The following RARB variants were observed in gnomAD, a reference collection of about 807,000 sequenced individuals.
RARB encodes HBV-activated protein.
Under a neutral mutation model 51.9 loss-of-function variants are expected in RARB, and 17 were observed. The observed-to-expected ratio is 0.33, with a 90% confidence interval of 0.22 to 0.49. The LOEUF is 0.49. Among genes scored for constraint, RARB ranks in the 20% least tolerant of loss-of-function variants. The probability of loss-of-function intolerance (pLI) is 0.99; values close to 1 mark genes in which losing one functional copy is unlikely to be tolerated. For missense variants in RARB, 369 were observed against 550.8 expected (o/e 0.67, Z 3.30); for synonymous variants, 215 against 195.4 (o/e 1.10, Z -0.84).
intron 4 of RARB, among the ~76,000 whole-genome samples, chr3:25,166,660 G>A (rs1225591256): frequency 6.6e-6 from 1 of 152,132 alleles, no homozygotes; most frequent in Non-Finnish European, 1.5e-5. Flanking sequence ...ATTGCAGCCA[G>A]AGGAAATGGA....
At chr3:25,456,493 G>A (rs866269727) in intron 1 of RARB, among the ~76,000 whole-genome samples, 1 of 147,128 alleles carries the variant, frequency 6.8e-6, no homozygotes, top group Middle Eastern at 3.7e-3. Context: ...TGTAATTCTA[G>A]AATTTGTCTT....
At chr3:25,048,544 AT>A (rs1223887121) in intron 2 of RARB, among the ~76,000 whole-genome samples, 1 of 152,124 alleles carries the variant, frequency 6.6e-6, no homozygotes, top group Non-Finnish European at 1.5e-5. Flanking sequence ...TTCTAAAAAT[AT>A]TTATAATTGT....
At chr3:24,993,615 A>T (rs1369683600) in intron 2 of RARB, among the ~76,000 whole-genome samples, 1 of 152,084 alleles carries the variant, frequency 6.6e-6, no homozygotes, top group African/African-American at 2.4e-5. Context: ...AATTTGTTCT[A>T]TTTAGCTGTA....
intron 5 of RARB, among the ~76,000 whole-genome samples, chr3:25,331,541 T>C (rs938879218): frequency 2.6e-5 from 4 of 152,078 alleles, no homozygotes; most frequent in Admixed American, 2.0e-4. Flanking sequence ...TAGAGAGAAA[T>C]TTATAGCACT....
intron 2 of RARB, among the ~76,000 whole-genome samples, chr3:24,920,785 T>C (rs1297876268): frequency 1.3e-5 from 2 of 152,238 alleles, no homozygotes; most frequent in Non-Finnish European, 1.5e-5. Flanking sequence ...GTTCAGCTTT[T>C]ATCAGTCATT....
intron 2 of RARB, among the ~76,000 whole-genome samples, chr3:24,978,743 CT>C (rs575943163): frequency 5.7e-4 from 87 of 151,364 alleles, no homozygotes; most frequent in Middle Eastern, 3.4e-3. Context: ...TTTTGTGTCT[CT>C]ATCTCCTTTA....
chr3:25,531,372 GTAGATAGATAGATAGGTAGA>G (rs1239760159), intron 3 of RARB, among the ~76,000 whole-genome samples: 1 of 131,530 alleles, frequency 7.6e-6, no homozygotes, highest in Non-Finnish European at 1.5e-5. Context: ...AGATAGATAG[GTAGATAGATAGATAGGTAGA>G]TAGATAGATA....
intron 5 of RARB, among the ~76,000 whole-genome samples, chr3:25,356,477 C>T (rs556158499): frequency 6.6e-6 from 1 of 151,806 alleles, no homozygotes; most frequent in Non-Finnish European, 1.5e-5. Flanking sequence ...TAATAATTTA[C>T]ATGAAAGAAA....
chr3:25,259,805 C>A, intron 5 of RARB: 1 of 620,760 alleles, frequency 1.6e-6, no homozygotes, highest in Non-Finnish European at 2.0e-6. Context: ...GACCCAAAGT[C>A]ATCTTCTTCC....
intron 2 of RARB, among the ~76,000 whole-genome samples, chr3:24,859,425 A>C (rs991864042): frequency 6.6e-6 from 1 of 152,212 alleles, no homozygotes; most frequent in Admixed American, 6.5e-5. Context: ...ATAGTTAAGC[A>C]TTAGAATGCC....
intron 2 of RARB, among the ~76,000 whole-genome samples, chr3:24,878,583 T>A (rs1410692082): frequency 1.3e-5 from 2 of 152,156 alleles, no homozygotes; most frequent in Non-Finnish European, 2.9e-5. Context: ...TTCTGTGTTA[T>A]CAGGGGCTAT....
At chr3:25,294,896 G>T (rs1703881642) in intron 5 of RARB, among the ~76,000 whole-genome samples, 1 of 152,104 alleles carries the variant, frequency 6.6e-6, no homozygotes, top group Non-Finnish European at 1.5e-5. Context: ...ACCCTGCTCT[G>T]GTCTTTATCA....
At chr3:25,407,299 A>G (rs891632826) in intron 5 of RARB, among the ~76,000 whole-genome samples, 23 of 152,234 alleles carry the variant, frequency 1.5e-4, no homozygotes, top group African/African-American at 5.5e-4. Flanking sequence ...AGTCTTTAGA[A>G]AAAGACCGCA....
At chr3:25,253,459 A>G (rs1267581311) in intron 5 of RARB, among the ~76,000 whole-genome samples, 1 of 152,178 alleles carries the variant, frequency 6.6e-6, no homozygotes, top group African/African-American at 2.4e-5. Context: ...AAAATATTCA[A>G]AGAAATAGTT....
At chr3:25,477,552 C>T (rs114792896) in intron 2 of RARB, among the ~76,000 whole-genome samples, 202 of 152,314 alleles carry the variant, frequency 1.3e-3, no homozygotes, top group African/African-American at 4.7e-3. Context: ...CCTATAATTA[C>T]TACAAGTACT....
At chr3:25,025,146 T>C (rs903616150) in intron 2 of RARB, 1 of 152,156 alleles carries the variant, frequency 6.6e-6, no homozygotes, top group Non-Finnish European at 1.5e-5. Flanking sequence ...AGCATTCTTA[T>C]GAATAAAGAC....
intron 2 of RARB, among the ~76,000 whole-genome samples, chr3:25,476,580 G>A (rs1213974525): frequency 2.6e-5 from 4 of 152,086 alleles, no homozygotes; most frequent in African/African-American, 7.2e-5. Flanking sequence ...TGATCATAAC[G>A]TATCTTTCAT....
rs184965725 is a variant in RARB, at chr3:25,241,480, C to T, written c.178+66905C>T. On this transcript the variant is annotated intron_variant, in intron 5 of 11. Transcript: ENST00000383772. ...GCCTCCCCTTCCCTGCCACAACCCC[C>T]GGACAGGCCCGGGTGTGATGTTCCC... is the stretch of plus-strand genomic sequence containing the variant. 2.1e-3 allele frequency among the ~76,000 whole-genome samples: 322 copies of T among 152,192 alleles called. 1 individual carries two copies. The highest frequency in any genetic ancestry group is 7.2e-3 in the African/African-American group (299 of 41,532).
At chr3:25,097,396 T>A (rs536153570) in intron 3 of RARB, among the ~76,000 whole-genome samples, 42 of 152,326 alleles carry the variant, frequency 2.8e-4, no homozygotes, top group African/African-American at 9.1e-4. Context: ...TACTTGAATG[T>A]TTTTATAAAG....
Sources: allele counts gnomAD v4.1 joint callset (sites outside exome capture counted in the v4.1 genomes callset), GRCh38; gene constraint gnomAD v4.1.1; transcripts MANE v1.5; gene names NCBI Gene and HGNC (gene_info 2026-07-23, HGNC 2026-07-21).